The following PAN3 variants were observed in gnomAD, a reference collection of about 807,000 sequenced individuals.
PAN3 encodes poly(A) specific ribonuclease subunit PAN3, also known as PAN2-PAN3 deadenylation complex subunit PAN3.
A neutral mutation model predicts 96.2 loss-of-function variants in PAN3; 19 were observed. That is an observed-to-expected ratio of 0.20 (90% CI 0.14 to 0.29). The LOEUF (loss-of-function observed/expected upper bound fraction) is 0.29, where lower values mean the gene tolerates loss of function less well. Among genes scored for constraint, PAN3 ranks in the 10% least tolerant of loss-of-function variants. The pLI, the probability that PAN3 is intolerant of heterozygous loss-of-function variation, is 1.00. For synonymous variants in PAN3, 433 were observed against 406.6 expected, an observed-to-expected ratio of 1.06 and a Z score of -0.78; for missense variants, 882 against 1,108.1, an observed-to-expected ratio of 0.80 and a Z score of 2.90.
chr13:28,150,987 G>A (rs1871291387), intron 1 of PAN3, among the ~76,000 whole-genome samples: 1 of 152,104 alleles, frequency 6.6e-6, no homozygotes, highest in African/African-American at 2.4e-5. Flanking sequence ...AGAGGCAATG[G>A]GAGTGTAGGA....
chr13:28,164,413 G>C (rs1354272311), intron 1 of PAN3, among the ~76,000 whole-genome samples: 1 of 152,224 alleles, frequency 6.6e-6, no homozygotes, highest in African/African-American at 2.4e-5. Context: ...TTGAGGATAT[G>C]CTAATGTCAA....
In PAN3 at chr13:28,270,780, A is replaced by G. The variant is rs371821579; in HGVS notation, c.1872A>G (p.Leu624=). 5.6e-6 allele frequency: 9 copies of G among 1,613,864 alleles called. No individual in the cohort carries two copies. In the African/African-American group the frequency reaches 9.3e-5, roughly 17 times the overall value. Residue 624 remains leucine (L), a synonymous_variant, in exon 13 of 19, where the codon CTA becomes CTG. Transcript: ENST00000380958. ...ESLIWAYIVQ[L]SSALRTIHTA... is the part of the protein sequence containing the mutation. ...TTATTTGGGCATATATTGTCCAACTAAGTTCTGCATTGCGTACCATTCATA... is the reference window on the plus strand; with the variant it reads ...TTATTTGGGCATATATTGTCCAACTGAGTTCTGCATTGCGTACCATTCATA...
rs1359325909 is a variant in PAN3, at chr13:28,144,203, GTTTTTTTGTTTTTT to G, written c.430+5124_430+5137del. 2.7e-3 allele frequency among the ~76,000 whole-genome samples: 346 copies of G among 129,020 alleles called. 2 individuals carry two copies. Among genetic ancestry groups the G allele is most frequent in the African/African-American group, 0.01 (334 of 32,878 alleles). The allele number at this position is 129,020 out of a possible 152,430, so 84.6% of individuals were successfully genotyped here. On this transcript the variant is annotated intron_variant, in intron 1 of 18. Transcript: ENST00000380958. ...ATAAGGTAATACTTGGTTTCGATAA[GTTTTTTTGTTTTTT>G]TTTTTTTTTTTTTTTTTGATATGGA...
chr13:28,242,872 G>T (rs1045199412), intron 6 of PAN3, among the ~76,000 whole-genome samples: 3 of 151,954 alleles, frequency 2.0e-5, no homozygotes, highest in African/African-American at 4.8e-5. Context: ...TCATGTTTAG[G>T]TCTTATACAT....
intron 5 of PAN3, among the ~76,000 whole-genome samples, chr13:28,216,474 T>C (rs559518326): frequency 6.6e-6 from 1 of 152,278 alleles, no homozygotes; most frequent in Admixed American, 6.5e-5. Context: ...GTATGTGCAG[T>C]GTATTACATG....
intron 5 of PAN3, among the ~76,000 whole-genome samples, chr13:28,200,980 A>G (rs1445527713): frequency 6.6e-6 from 1 of 151,840 alleles, no homozygotes; most frequent in Non-Finnish European, 1.5e-5. Flanking sequence ...CAGCAGTTTT[A>G]TTGAGCACTT....
intron 6 of PAN3, among the ~76,000 whole-genome samples, chr13:28,246,444 ACTT>A: frequency 6.6e-6 from 1 of 151,888 alleles, no homozygotes; most frequent in Non-Finnish European, 1.5e-5. Flanking sequence ...GGAATATTTC[ACTT>A]CTTCTCTTCT....
At chr13:28,183,672 G>A (rs1359969182) in intron 4 of PAN3, among the ~76,000 whole-genome samples, 1 of 152,182 alleles carries the variant, frequency 6.6e-6, no homozygotes, top group African/African-American at 2.4e-5. Flanking sequence ...TAATAACACG[G>A]CAGTGTTGGA....
intron 14 of PAN3, among the ~76,000 whole-genome samples, chr13:28,276,879 C>T (rs1887104336): frequency 6.6e-6 from 1 of 152,034 alleles, no homozygotes; most frequent in Non-Finnish European, 1.5e-5. Flanking sequence ...AAGAATATTA[C>T]CTCTATTTAA....
chr13:28,289,278 G>A (rs1046206854), intron 18 of PAN3, among the ~76,000 whole-genome samples: 3 of 151,950 alleles, frequency 2.0e-5, no homozygotes, highest in African/African-American at 7.3e-5. Flanking sequence ...TGAGAGGTGA[G>A]GTGAGCTTTT....
At chr13:28,221,092 AT>A (rs1259982332) in intron 6 of PAN3, among the ~76,000 whole-genome samples, 8 of 152,136 alleles carry the variant, frequency 5.3e-5, no homozygotes, top group Non-Finnish European at 1.0e-4. Flanking sequence ...TATCTTAAGA[AT>A]TCATGCAGAT....
intron 4 of PAN3, among the ~76,000 whole-genome samples, chr13:28,191,860 C>T (rs1420873730): frequency 2.0e-5 from 3 of 152,100 alleles, no homozygotes; most frequent in Non-Finnish European, 4.4e-5. Context: ...CCACCTCAGG[C>T]TCCAGAGTAG....
intron 6 of PAN3, among the ~76,000 whole-genome samples, chr13:28,242,654 T>C (rs1593544870): frequency 6.6e-6 from 1 of 152,148 alleles, no homozygotes; most frequent in Non-Finnish European, 1.5e-5. Flanking sequence ...AGTACGGCTG[T>C]TGATGTATGA....
intron 1 of PAN3, among the ~76,000 whole-genome samples, chr13:28,157,348 A>G (rs1000567841): frequency 6.6e-6 from 1 of 152,156 alleles, no homozygotes. Flanking sequence ...ACATAGTACT[A>G]GAAGTCCTAG....
intron 17 of PAN3, among the ~76,000 whole-genome samples, chr13:28,283,000 AT>A (rs755855567): frequency 1.3e-5 from 2 of 151,934 alleles, no homozygotes; most frequent in Non-Finnish European, 2.9e-5. Flanking sequence ...ACTTTCACAC[AT>A]TATTGATACT....
chr13:28,275,016 G>A (rs1018638351), intron 14 of PAN3, among the ~76,000 whole-genome samples: 5 of 152,104 alleles, frequency 3.3e-5, no homozygotes, highest in African/African-American at 1.2e-4. Flanking sequence ...CAAGAATCAG[G>A]AAGAAACTGA....
chr13:28,276,013 A>G (rs904683204), intron 14 of PAN3, among the ~76,000 whole-genome samples: 10 of 152,300 alleles, frequency 6.6e-5, no homozygotes, highest in African/African-American at 2.4e-4. Context: ...GTTAAGTATA[A>G]CCATATAATG....
intron 11 of PAN3, 21 bp downstream of exon 11, chr13:28,267,232 C>T: frequency 6.2e-7 from 1 of 1,611,394 alleles, no homozygotes; most frequent in Non-Finnish European, 8.5e-7. Context: ...TGTAATTTGT[C>T]TTTCTGCTGG....
At chr13:28,250,071 A>G (rs1884575502) in intron 6 of PAN3, among the ~76,000 whole-genome samples, 1 of 152,126 alleles carries the variant, frequency 6.6e-6, no homozygotes, top group African/African-American at 2.4e-5. Context: ...TTGCTGATAC[A>G]GTTAGCATAA....
Sources: allele counts gnomAD v4.1 joint callset (sites outside exome capture counted in the v4.1 genomes callset), GRCh38; gene constraint gnomAD v4.1.1; transcripts MANE v1.5; gene names NCBI Gene and HGNC (gene_info 2026-07-23, HGNC 2026-07-21).